Variants in NLRP7 observed in about 807,000 individuals in gnomAD.
The protein encoded by NLRP7 is NACHT, LRR and PYD domains-containing protein 7.
In NLRP7, 72 loss-of-function variants were observed where a neutral mutation model predicts 85.5. The observed-to-expected ratio is 0.84, with a 90% CI of 0.70 to 1.02. NLRP7 has a LOEUF of 1.02. NLRP7 is among the 50% of genes least tolerant of loss of function. NLRP7 has a pLI of 0.00. For missense variants in NLRP7, 1,243 were observed against 1,219.5 expected (o/e 1.02, Z -0.29); for synonymous variants, 550 against 505.2 (o/e 1.09, Z -1.19).
rs563990233 is a variant in NLRP7 at position 54,926,407 on chromosome 19, T to C, written c.2811-2535A>G. 3.9e-5 allele frequency among the ~76,000 whole-genome samples: 6 copies of C among 152,298 alleles called. No homozygotes were observed. In the South Asian group the frequency reaches 1.0e-3, roughly 26 times the overall value. ...AAGCTAGGAGTGTGCTATAGAAAGA[T>C]GCCTTAAGTTGATCCCTACAAAGAG... On this transcript the variant is annotated intron_variant, in intron 9 of 9. Transcript: ENST00000340844.
At chr19:54,944,073 C>T (rs1171304161) in intron 1 of NLRP7, among the ~76,000 whole-genome samples, 1 of 152,138 alleles carries the variant, frequency 6.6e-6, no homozygotes, top group Non-Finnish European at 1.5e-5. Context: ...TCCAAAGTTT[C>T]TCCCCATGTG....
chr19:54,923,785 A>G lies in NLRP7; in HGVS notation c.2898T>C (p.Asn966=). The change falls in exon 10 of 10, where the codon AAT becomes AAC. Residue 966 remains asparagine (N), a synonymous_variant. Coordinates refer to ENST00000340844, the Ensembl canonical transcript of NLRP7. ...ACGGAGGTGCCGTTGCCCCGGAAGCATTGCAATCAATAGTCAGCTTGGGAT... is the reference window on the plus strand; with the variant it reads ...ACGGAGGTGCCGTTGCCCCGGAAGCGTTGCAATCAATAGTCAGCTTGGGAT... 6.2e-7 allele frequency: 1 copy of G among 1,614,064 alleles called. No individual in the cohort carries two copies. Among genetic ancestry groups the G allele is most frequent in the Non-Finnish European group, 8.5e-7 (1 of 1,180,026 alleles).
At chr19:54,932,296 A>C (rs970480685) in intron 8 of NLRP7, among the ~76,000 whole-genome samples, 16 of 151,912 alleles carry the variant, frequency 1.1e-4, no homozygotes, top group Admixed American at 2.0e-4. Flanking sequence ...GGCATGGTGG[A>C]GGGCACCTGT....
upstream of NLRP7, among the ~76,000 whole-genome samples, chr19:54,948,184 G>A (rs927466992): frequency 6.6e-6 from 1 of 152,200 alleles, no homozygotes; most frequent in Non-Finnish European, 1.5e-5. Context: ...AGGAGTTGGA[G>A]ACCAGACTGG....
chr19:54,942,365 C>T (rs1049107010), intron 1 of NLRP7, among the ~76,000 whole-genome samples: 10 of 151,700 alleles, frequency 6.6e-5, no homozygotes, highest in Admixed American at 4.6e-4. Context: ...CCTATACCAA[C>T]GTCCATGGGC....
intron 1 of NLRP7, among the ~76,000 whole-genome samples, chr19:54,963,408 G>T (rs2070131569): frequency 6.6e-6 from 1 of 151,986 alleles, no homozygotes; most frequent in African/African-American, 2.4e-5. Flanking sequence ...ACATGAAAAA[G>T]GCTGGGCGCG....
exon 8 of NLRP7, chr19:54,933,616 A>G (rs2068767032): frequency 3.1e-6 from 5 of 1,614,194 alleles, no homozygotes; most frequent in Non-Finnish European, 3.4e-6. Flanking sequence ...CCTCACACAG[A>G]AACTTCACCC....
rs1445126724 is a variant in NLRP7, at chr19:54,937,171, T to C, written c.2130-740A>G. Reference sequence around the variant, plus strand: ...AGGCAGGGCTTGCAGTGAGCCGAGATTGCTGCACTGCACTCCAGCCTGGGG... The same window carrying C: ...AGGCAGGGCTTGCAGTGAGCCGAGACTGCTGCACTGCACTCCAGCCTGGGG... On this transcript the variant is annotated intron_variant, in intron 5 of 9. Coordinates refer to ENST00000340844, the Ensembl canonical transcript of NLRP7. 7.4e-5 allele frequency among the ~76,000 whole-genome samples: 11 copies of C among 148,516 alleles called. No homozygotes were observed. In the South Asian group the frequency reaches 8.6e-4, roughly 12 times the overall value.
intron 6 of NLRP7, 93 bp downstream of exon 6, chr19:54,936,168 G>A: frequency 4.6e-6 from 5 of 1,093,630 alleles, no homozygotes; most frequent in Non-Finnish European, 7.0e-6. Context: ...GTCTGGGACG[G>A]CATCTGGAGT....
rs533290136 is a variant in NLRP7 at position 54,934,770 on chromosome 19, C to T, written c.2301-111G>A. On this transcript the variant is annotated intron_variant, in intron 6 of 9. Transcript: ENST00000340844. This position sits in a 1 kb window ranked among gnomAD's most constrained non-coding sequence, Gnocchi z 6.7. The stretch of plus-strand genomic sequence containing the variant: ...TGTTGCCCAGTCTGGAATGCAAAGG[C>T]GTGATCTCACCTCACTGCAGCCTCC... 4.7e-4 allele frequency: 400 copies of T among 859,674 alleles called. 1 individual carries two copies. The highest frequency in any genetic ancestry group is 1.3e-3 in the East Asian group (50 of 37,440). The allele number at this position is 859,674 out of a possible 1,614,324, so 53.3% of individuals were successfully genotyped here. A position where few individuals can be genotyped will look rare whatever the true frequency, so the allele number is the denominator to read the frequency against.
intron 8 of NLRP7, among the ~76,000 whole-genome samples, chr19:54,931,232 G>T (rs2068663660): frequency 6.6e-6 from 1 of 151,820 alleles, no homozygotes; most frequent in Middle Eastern, 3.4e-3. Flanking sequence ...GACCAGCCTG[G>T]CCAACATGGT....
chr19:54,940,001 C>G, exon 4 of NLRP7: 2 of 1,614,180 alleles, frequency 1.2e-6, no homozygotes, highest in Non-Finnish European at 1.7e-6. Flanking sequence ...CTTCTTCTCC[C>G]AGTCCCCGCA....
chr19:54,964,423 A>G (rs1199259978), intron 1 of NLRP7, among the ~76,000 whole-genome samples: 1 of 147,168 alleles, frequency 6.8e-6, no homozygotes, highest in Non-Finnish European at 1.5e-5. Context: ...TCACCGTGTT[A>G]GCCAGGATGG....
intron 5 of NLRP7, among the ~76,000 whole-genome samples, chr19:54,937,346 C>T (rs2068977822): frequency 1.3e-5 from 2 of 151,842 alleles, no homozygotes; most frequent in African/African-American, 2.4e-5. Context: ...TGTAACTAAC[C>T]TGTACTTGTA....
rs186752718 is a variant in NLRP7 at position 54,925,411 on chromosome 19, A to T, written c.2811-1539T>A. ...TGTGAAAAATCGTACCTTGAGCAGG[A>T]TATAAATAACTCCCACATGCTTAGC... On this transcript the variant is annotated intron_variant, in intron 9 of 9. Coordinates refer to ENST00000340844, the Ensembl canonical transcript of NLRP7. 5.0e-3 allele frequency among the ~76,000 whole-genome samples: 759 copies of T among 152,330 alleles called. 2 individuals are homozygous for T. The highest frequency in any genetic ancestry group is 0.017 in the African/African-American group (716 of 41,572).
intron 4 of NLRP7, 28 bp downstream of exon 4, chr19:54,938,860 G>T (rs917783520): frequency 6.2e-7 from 1 of 1,611,986 alleles, no homozygotes; most frequent in Non-Finnish European, 8.5e-7. Flanking sequence ...CTTCCTAGTG[G>T]AGCGTGGGAT....
At chr19:54,948,345 T>C (rs1602211731), upstream of NLRP7, among the ~76,000 whole-genome samples, 1 of 152,032 alleles carries the variant, frequency 6.6e-6, no homozygotes, top group Admixed American at 6.6e-5. Flanking sequence ...GATCACGCCA[T>C]TGCACTCCAG....
At chr19:54,945,341 G>T (rs117082007) in intron 1 of NLRP7, among the ~76,000 whole-genome samples, 1 of 147,772 alleles carries the variant, frequency 6.8e-6, no homozygotes, top group South Asian at 2.2e-4. Context: ...ATGGTGCGAG[G>T]CTTACCACAA....
In NLRP7 at chr19:54,941,764, A is replaced by C; in HGVS notation, c.-39-14T>G. On this transcript the variant is annotated splice_polypyrimidine_tract_variant and intron_variant, in intron 1 of 9. Coordinates refer to ENST00000340844, the Ensembl canonical transcript of NLRP7. ...AAGGCTGAAGAACTGGGGGGAAAAAAGGAAAAACAGTTCACGAGTTACCAT... is the reference window on the plus strand; with the variant it reads ...AAGGCTGAAGAACTGGGGGGAAAAACGGAAAAACAGTTCACGAGTTACCAT... 1 of 1,574,968 alleles carries C rather than the reference A, an allele frequency of 6.3e-7. No homozygotes were observed. The highest frequency in any genetic ancestry group is 1.2e-5 in the South Asian group (1 of 84,726).
Sources: allele counts gnomAD v4.1 joint callset (sites outside exome capture counted in the v4.1 genomes callset), GRCh38; gene constraint gnomAD v4.1.1; non-coding constraint Gnocchi (gnomAD v3.1); transcripts MANE v1.5; gene names NCBI Gene and HGNC (gene_info 2026-07-23, HGNC 2026-07-21).